Variants in DENND4C observed in about 807,000 individuals in gnomAD.
DENND4C encodes the protein DENN domain-containing protein 4C.
DENND4C carries 108 observed loss-of-function variants against 203.0 expected under a neutral mutation model. The ratio of observed to expected loss-of-function variants is 0.53; its 90% confidence interval spans 0.46 to 0.62. DENND4C has a LOEUF of 0.62. Ranked by LOEUF, DENND4C falls within the 20% of genes least tolerant of loss-of-function variation. DENND4C has a pLI of 0.00. For missense variants in DENND4C, 2,481 were observed against 2,301.2 expected (o/e 1.08, Z -1.60); for synonymous variants, 871 against 792.4 (o/e 1.10, Z -1.67).
intron 1 of DENND4C, among the ~76,000 whole-genome samples, chr9:19,254,280 G>T (rs1020062017): frequency 2.6e-5 from 4 of 152,158 alleles, no homozygotes; most frequent in African/African-American, 9.7e-5. Context: ...AGAGATATCT[G>T]TACCCCCATG....
intron 1 of DENND4C, among the ~76,000 whole-genome samples, chr9:19,275,402 C>A (rs1216570452): frequency 6.6e-6 from 1 of 151,428 alleles, no homozygotes; most frequent in Non-Finnish European, 1.5e-5. Flanking sequence ...GAGCGATTCT[C>A]ATGCCCCAGC....
chr9:19,328,306 C>G, intron 16 of DENND4C, 144 bp downstream of exon 16: 2 of 895,632 alleles, frequency 2.2e-6, no homozygotes, highest in East Asian at 2.9e-5. Context: ...AGATTTCTTG[C>G]AAGCCTACTT....
intron 10 of DENND4C, among the ~76,000 whole-genome samples, chr9:19,314,900 G>T (rs1334790932): frequency 6.6e-6 from 1 of 152,040 alleles, no homozygotes. Context: ...AGTGGCTCAT[G>T]CCTGTAATCC....
intron 4 of DENND4C, among the ~76,000 whole-genome samples, chr9:19,290,083 A>C (rs929545478): frequency 1.3e-5 from 2 of 152,200 alleles, no homozygotes; most frequent in Non-Finnish European, 2.9e-5. Flanking sequence ...GATGGTCTAT[A>C]TATTGATGAC....
chr9:19,246,536 A>T (rs1192079278), intron 1 of DENND4C, among the ~76,000 whole-genome samples: 4 of 152,012 alleles, frequency 2.6e-5, no homozygotes, highest in Non-Finnish European at 5.9e-5. Context: ...GAGCCACTGC[A>T]CTGGGCATGT....
At chr9:19,230,854 C>G (rs915326294) in intron 1 of DENND4C, 21 bp downstream of exon 1, 3 of 152,580 alleles carry the variant, frequency 2.0e-5, no homozygotes, top group African/African-American at 7.2e-5. Context: ...GGCGCGGGGC[C>G]TTTGGCGGAG....
At chr9:19,314,448 A>G (rs1018682447) in intron 10 of DENND4C, among the ~76,000 whole-genome samples, 1 of 152,006 alleles carries the variant, frequency 6.6e-6, no homozygotes, top group African/African-American at 2.4e-5. Flanking sequence ...CTCAAAGACT[A>G]CACATGGGGT....
chr9:19,271,491 C>T (rs113224317), intron 1 of DENND4C, among the ~76,000 whole-genome samples: 1 of 152,054 alleles, frequency 6.6e-6, no homozygotes, highest in Non-Finnish European at 1.5e-5. Context: ...TGTGAGCTAC[C>T]GCCTCTGGCC....
rs151185616 is a variant in DENND4C at position 19,259,763 on chromosome 9, C to T, written c.-17-16395C>T. 4.8e-3 allele frequency among the ~76,000 whole-genome samples: 738 copies of T among 152,274 alleles called. 5 individuals carry two copies. The highest frequency in any genetic ancestry group is 0.017 in the African/African-American group (706 of 41,554). Reference sequence around the variant, plus strand: ...CAGGTGATCCGCCCGCCTCGGCCTCCCACAATGCTGGGATTACAGGCGTCA... The same window carrying T: ...CAGGTGATCCGCCCGCCTCGGCCTCTCACAATGCTGGGATTACAGGCGTCA... On this transcript the variant is annotated intron_variant, in intron 1 of 32. Coordinates refer to ENST00000434457, the MANE Select transcript of DENND4C (RefSeq NM_001330640.2).
At chr9:19,295,970 A>C (rs1837383048) in intron 5 of DENND4C, 38 bp from the exon 6 acceptor site, 1 of 1,472,424 alleles carries the variant, frequency 6.8e-7, no homozygotes, top group African/African-American at 1.4e-5. Context: ...TTTTTCAAAC[A>C]AACTCAAATC....
chr9:19,287,451 C>T (rs1325692854), intron 3 of DENND4C, among the ~76,000 whole-genome samples: 1 of 151,826 alleles, frequency 6.6e-6, no homozygotes, highest in African/African-American at 2.4e-5. Flanking sequence ...AATCACAGCT[C>T]ACTGCAGCCT....
At chr9:19,255,049 C>T (rs1206030233) in intron 1 of DENND4C, among the ~76,000 whole-genome samples, 1 of 151,984 alleles carries the variant, frequency 6.6e-6, no homozygotes, top group Non-Finnish European at 1.5e-5. Context: ...GAGACTGAGG[C>T]AGGAGAGTCA....
chr9:19,288,256 A>G (rs1393699482), intron 3 of DENND4C, among the ~76,000 whole-genome samples: 1 of 152,226 alleles, frequency 6.6e-6, no homozygotes, highest in Non-Finnish European at 1.5e-5. Flanking sequence ...ATGACCTCAT[A>G]GTCCTCCAGT....
At chr9:19,360,990 C>T (rs66480274) in intron 29 of DENND4C, among the ~76,000 whole-genome samples, 19,521 of 152,148 alleles carry the variant, frequency 0.13, 1,519 homozygotes, top group African/African-American at 0.2. Flanking sequence ...TCTCCTGCCT[C>T]AGCCTCCCGA....
intron 17 of DENND4C, among the ~76,000 whole-genome samples, chr9:19,333,271 C>G (rs1386935952): frequency 6.6e-6 from 1 of 152,030 alleles, no homozygotes; most frequent in Non-Finnish European, 1.5e-5. Context: ...TCTACTTGGC[C>G]TCCCAAAGTG....
rs765767106 is a variant in DENND4C, at chr9:19,372,211, G to GGA, written c.*39_*40dup. ...TAGAATGTTGACACACAAGGCTTGG[G>GGA]GATTAGATTTCATCTGGAAACATTC... is the stretch of plus-strand genomic sequence containing the variant. On this transcript the variant is annotated 3_prime_UTR_variant, in exon 33 of 33. Coordinates refer to ENST00000434457, the MANE Select transcript of DENND4C (RefSeq NM_001330640.2). 6 of 1,574,076 alleles carry GGA rather than the reference G, an allele frequency of 3.8e-6. No individual in the cohort carries two copies. The Admixed American group carries it at 1.2e-4, about 31-fold the overall frequency.
intron 1 of DENND4C, among the ~76,000 whole-genome samples, chr9:19,233,548 T>A (rs959326687): frequency 6.8e-6 from 1 of 146,940 alleles, no homozygotes; most frequent in African/African-American, 2.5e-5. Context: ...GAGCTTAACA[T>A]GGTATTTGAA....
chr9:19,290,256 T>C (rs955667480), intron 4 of DENND4C, among the ~76,000 whole-genome samples: 2 of 152,256 alleles, frequency 1.3e-5, no homozygotes, highest in Non-Finnish European at 2.9e-5. Flanking sequence ...CCTTTTACAC[T>C]GCTTCCCTCT....
Position 19,357,894 on chromosome 9 carries a change from A to G in DENND4C, c.4965-71A>G, listed in dbSNP as rs941679731. 7 of 1,249,176 alleles carry G rather than the reference A, an allele frequency of 5.6e-6. No individual in the cohort carries two copies. In the African/African-American group the frequency reaches 1.1e-4, roughly 19 times the overall value. The allele number at this position is 1,249,176 out of a possible 1,614,324, so 77.4% of individuals were successfully genotyped here. On this transcript the variant is annotated intron_variant, in intron 27 of 32. Coordinates refer to ENST00000434457, the MANE Select transcript of DENND4C (RefSeq NM_001330640.2). ...GTAGACTCAAGGTCCATTGTAGAAA[A>G]TACTCTAGCTCTACAGATTTAGACT...
Sources: allele counts gnomAD v4.1 joint callset (sites outside exome capture counted in the v4.1 genomes callset), GRCh38; gene constraint gnomAD v4.1.1; transcripts MANE v1.5; gene names NCBI Gene and HGNC (gene_info 2026-07-23, HGNC 2026-07-21).